The following DLG2 variants were observed in gnomAD, a reference collection of about 807,000 sequenced individuals.
DLG2 encodes the protein discs large MAGUK scaffold protein 2, also known as disks large homolog 2.
Under a neutral mutation model 132.5 loss-of-function variants are expected in DLG2, and 45 were observed. That is an observed-to-expected ratio of 0.34 (90% CI 0.27 to 0.44). DLG2 has a LOEUF of 0.44. DLG2 is among the 20% of genes least tolerant of loss of function. The probability of loss-of-function intolerance (pLI) is 1.00; values close to 1 mark genes in which losing one functional copy is unlikely to be tolerated. For missense variants in DLG2, 1,045 were observed against 1,196.9 expected (o/e 0.87, Z 1.87); for synonymous variants, 424 against 419.6 (o/e 1.01, Z -0.13).
At chr11:84,714,370 C>T (rs1331285584) in intron 6 of DLG2, among the ~76,000 whole-genome samples, 1 of 152,048 alleles carries the variant, frequency 6.6e-6, no homozygotes, top group African/African-American at 2.4e-5. Flanking sequence ...TACTTCTCTG[C>T]CACAGAGACT....
chr11:84,979,919 T>C (rs985919408), intron 6 of DLG2, among the ~76,000 whole-genome samples: 1 of 152,098 alleles, frequency 6.6e-6, no homozygotes, highest in African/African-American at 2.4e-5. Flanking sequence ...TCATTCCCAA[T>C]CCCTGCCTAT....
At position 84,652,963 on chromosome 11, in the gene DLG2, GCT is replaced by G; in HGVS notation, c.358-118234_358-118233del. ...TTTTTTTTTTTTTAGATGGAGTCTG[GCT>G]CTGTTGCCCAGGCTAGAGTGCAGTG... On this transcript the variant is annotated intron_variant, in intron 6 of 27. Transcript: ENST00000376104. Among the ~76,000 whole-genome samples the G allele has an allele frequency of 3.3e-5, 5 of 150,184 alleles. No homozygotes were observed. In the South Asian group the frequency reaches 1.1e-3, roughly 32 times the overall value.
chr11:83,510,692 A>T (rs1377617900), intron 21 of DLG2, among the ~76,000 whole-genome samples: 2 of 152,050 alleles, frequency 1.3e-5, no homozygotes, highest in Admixed American at 6.6e-5. Context: ...TCTCCCATCT[A>T]AATATTTCCT....
intron 6 of DLG2, among the ~76,000 whole-genome samples, chr11:84,556,246 C>A (rs1463476614): frequency 6.6e-6 from 1 of 152,142 alleles, no homozygotes; most frequent in Non-Finnish European, 1.5e-5. Flanking sequence ...CCATATCCAG[C>A]TTTGAGATTG....
chr11:85,502,107 T>C (rs1294213280), intron 3 of DLG2, among the ~76,000 whole-genome samples: 1 of 152,096 alleles, frequency 6.6e-6, no homozygotes, highest in Non-Finnish European at 1.5e-5. Flanking sequence ...GATGAGTTAA[T>C]GTCCTTTGCA....
chr11:85,090,708 G>A (rs1385225802), intron 6 of DLG2, among the ~76,000 whole-genome samples: 1 of 151,994 alleles, frequency 6.6e-6, no homozygotes, highest in African/African-American at 2.4e-5. Context: ...GATACTTCAG[G>A]TTCAGTTCTA....
intron 7 of DLG2, among the ~76,000 whole-genome samples, chr11:84,353,323 T>C (rs1011235395): frequency 6.6e-6 from 1 of 152,186 alleles, no homozygotes; most frequent in Non-Finnish European, 1.5e-5. Context: ...TGAACTCGCC[T>C]TCTTCCACCT....
intron 9 of DLG2, among the ~76,000 whole-genome samples, chr11:84,117,572 A>T (rs2093693956): frequency 6.6e-6 from 1 of 152,168 alleles, no homozygotes; most frequent in Admixed American, 6.5e-5. Flanking sequence ...TTTAAGCATC[A>T]TCTGCTCTGT....
chr11:83,962,252 C>T (rs1483408), intron 14 of DLG2, among the ~76,000 whole-genome samples: 120,761 of 152,052 alleles, frequency 0.79, 49,123 homozygotes, highest in East Asian at 1. Context: ...AACATAAACT[C>T]ATTTTGTAAA....
chr11:83,520,664 T>TAGATAGATAGATAGATAGATAGAA (rs1277905785), intron 21 of DLG2, among the ~76,000 whole-genome samples: 1 of 143,256 alleles, frequency 7.0e-6, no homozygotes, highest in South Asian at 2.2e-4. Context: ...GATAGATAGA[T>TAGATAGATAGATAGATAGATAGAA]AGAAAGAAAG....
intron 7 of DLG2, among the ~76,000 whole-genome samples, chr11:84,338,812 A>AT (rs2098500664): frequency 6.6e-6 from 1 of 152,176 alleles, no homozygotes; most frequent in South Asian, 2.1e-4. Flanking sequence ...TCTCAAAATA[A>AT]CAATAATAAT....
chr11:84,540,362 C>A lies in DLG2; in HGVS notation c.358-5631G>T, dbSNP rs1832229697. 3.3e-5 allele frequency among the ~76,000 whole-genome samples: 5 copies of A among 149,288 alleles called. No homozygotes were observed. In the South Asian group the frequency reaches 1.0e-3, roughly 31 times the overall value. On this transcript the variant is annotated intron_variant, in intron 6 of 27. Coordinates refer to ENST00000376104, the MANE Select transcript of DLG2 (RefSeq NM_001142699.3). ...ATTTACAAGAAAAAAAAAAAAAAACCCCATCAAAAAGTGGGCAAAGGATAT... is the reference window on the plus strand; with the variant it reads ...ATTTACAAGAAAAAAAAAAAAAAACACCATCAAAAAGTGGGCAAAGGATAT...
At chr11:84,163,589 T>TG in intron 8 of DLG2, 78 bp from the exon 9 acceptor site, 1 of 1,218,234 alleles carries the variant, frequency 8.2e-7, no homozygotes, top group Non-Finnish European at 1.2e-6. Context: ...AAATAATGCT[T>TG]GGGGGTGAAA....
At chr11:85,482,700 A>G (rs761052771) in intron 3 of DLG2, among the ~76,000 whole-genome samples, 22 of 152,162 alleles carry the variant, frequency 1.4e-4, no homozygotes, top group Non-Finnish European at 2.9e-4. Context: ...CCTAAGCTCC[A>G]AACCAGTGCC....
intron 15 of DLG2, among the ~76,000 whole-genome samples, chr11:83,929,183 G>A (rs1049560530): frequency 6.6e-6 from 1 of 152,112 alleles, no homozygotes; most frequent in African/African-American, 2.4e-5. Context: ...AACTCTCCTA[G>A]AGAGAACAGT....
intron 3 of DLG2, among the ~76,000 whole-genome samples, chr11:85,290,616 CAT>C (rs1271145600): frequency 1.3e-5 from 2 of 151,996 alleles, no homozygotes; most frequent in African/African-American, 4.8e-5. Flanking sequence ...CCTATTGATT[CAT>C]AAACAATAAG....
intron 7 of DLG2, among the ~76,000 whole-genome samples, chr11:84,446,207 A>G (rs1234966725): frequency 6.6e-6 from 1 of 151,784 alleles, no homozygotes; most frequent in East Asian, 1.9e-4. Context: ...AATTGTTTAT[A>G]CCATTTTTAT....
intron 7 of DLG2, among the ~76,000 whole-genome samples, chr11:84,332,852 A>G (rs559868051): frequency 8.5e-5 from 13 of 152,144 alleles, no homozygotes; most frequent in African/African-American, 3.1e-4. Context: ...CTCCACTGGT[A>G]TGGTTACTGT....
intron 18 of DLG2, among the ~76,000 whole-genome samples, chr11:83,720,509 C>T (rs958388468): frequency 1.3e-5 from 2 of 151,706 alleles, no homozygotes; most frequent in Non-Finnish European, 2.9e-5. Flanking sequence ...GTTCTAAAAG[C>T]TTCATAGGCT....
Sources: allele counts gnomAD v4.1 joint callset (sites outside exome capture counted in the v4.1 genomes callset), GRCh38; gene constraint gnomAD v4.1.1; transcripts MANE v1.5; gene names NCBI Gene and HGNC (gene_info 2026-07-23, HGNC 2026-07-21).